Variants in KCNA6 observed in about 807,000 individuals in gnomAD.
KCNA6 encodes potassium voltage-gated channel subfamily A member 6, also known as human brain potassium channel-2.
KCNA6 carries 17 observed loss-of-function variants against 29.5 expected under a neutral mutation model. The observed-to-expected ratio is 0.58, with a 90% CI of 0.39 to 0.86. The LOEUF is 0.86. Among genes scored for constraint, KCNA6 ranks in the 40% least tolerant of loss-of-function variants. The probability of loss-of-function intolerance (pLI) is 0.00; values close to 1 mark genes in which losing one functional copy is unlikely to be tolerated. For missense variants in KCNA6, 450 were observed against 703.4 expected (o/e 0.64, Z 4.07); for synonymous variants, 296 against 304.7 (o/e 0.97, Z 0.30).
chr12:4,819,420 G>A, the KCNA6 span, among the ~76,000 whole-genome samples: 726 of 152,350 alleles, frequency 4.8e-3, 6 homozygotes, highest in Non-Finnish European at 8.3e-3. Flanking sequence ...CCGTCAGCAT[G>A]CATTCTTTTC....
At chr12:4,850,841 G>A in the KCNA6 span, 8 of 453,502 alleles carry the variant, frequency 1.8e-5, no homozygotes, top group East Asian at 2.1e-4. This position sits in a 1 kb window ranked among gnomAD's most constrained non-coding sequence, Gnocchi z 5.4. Context: ...GCCTGGCACC[G>A]CTGGCAGGCA....
downstream of KCNA6, chr12:4,814,770 T>C (rs1053156012): frequency 6.0e-6 from 1 of 167,086 alleles, no homozygotes; most frequent in African/African-American, 2.4e-5. The surrounding 1 kb of genome is among the most constrained non-coding windows in gnomAD (Gnocchi z 4.6). Context: ...CAGCTCGCCT[T>C]CTTTGCAGGT....
chr12:4,839,695 A>C, the KCNA6 span, among the ~76,000 whole-genome samples: 1 of 152,254 alleles, frequency 6.6e-6, no homozygotes, highest in Non-Finnish European at 1.5e-5. Context: ...AAAAGTGCCC[A>C]TTGACATGTA....
At chr12:4,827,460 G>T in the KCNA6 span, among the ~76,000 whole-genome samples, 28 of 152,236 alleles carry the variant, frequency 1.8e-4, no homozygotes, top group Non-Finnish European at 2.9e-4. Context: ...TTAAGGAGAA[G>T]CAGGGGAGTG....
chr12:4,820,771 G>C, the KCNA6 span, among the ~76,000 whole-genome samples: 1 of 152,142 alleles, frequency 6.6e-6, no homozygotes, highest in Non-Finnish European at 1.5e-5. Context: ...GATTTTTAAG[G>C]GAGGACTAAT....
the KCNA6 span, among the ~76,000 whole-genome samples, chr12:4,821,606 G>A: frequency 6.6e-6 from 1 of 152,102 alleles, no homozygotes; most frequent in African/African-American, 2.4e-5. Context: ...CTTGTGGCTT[G>A]TGAGCCACAT....
the KCNA6 span, chr12:4,850,634 G>A: frequency 3.0e-6 from 1 of 329,358 alleles, no homozygotes; most frequent in African/African-American, 2.2e-5. This position sits in a 1 kb window ranked among gnomAD's most constrained non-coding sequence, Gnocchi z 5.4. Context: ...CCAGCGGGGT[G>A]AGGAAGGACA....
chr12:4,850,818 A>G, the KCNA6 span: 1 of 454,828 alleles, frequency 2.2e-6, no homozygotes, highest in South Asian at 1.6e-5. The surrounding 1 kb of genome is among the most constrained non-coding windows in gnomAD (Gnocchi z 5.4). Context: ...CTTCTTCAGA[A>G]GACGAGAACC....
At chr12:4,838,167 C>A in the KCNA6 span, among the ~76,000 whole-genome samples, 27 of 152,190 alleles carry the variant, frequency 1.8e-4, no homozygotes, top group Non-Finnish European at 2.8e-4. Context: ...AGCTTAAGAA[C>A]CCCTTCCTCA....
the KCNA6 span, among the ~76,000 whole-genome samples, chr12:4,827,206 C>CCTTCT: frequency 8.8e-6 from 1 of 113,826 alleles, no homozygotes; most frequent in African/African-American, 3.5e-5. Context: ...CCTTCCTTCC[C>CCTTCT]TCCTTCCTTC....
chr12:4,822,310 G>A, the KCNA6 span, among the ~76,000 whole-genome samples: 2 of 152,156 alleles, frequency 1.3e-5, no homozygotes, highest in African/African-American at 4.8e-5. Context: ...TGGTGCTTGC[G>A]GCCATACTCA....
downstream of KCNA6, chr12:4,814,913 C>T (rs1946667573): frequency 6.1e-6 from 1 of 163,100 alleles, no homozygotes; most frequent in African/African-American, 2.4e-5. This position sits in a 1 kb window ranked among gnomAD's most constrained non-coding sequence, Gnocchi z 4.6. Flanking sequence ...TTCCCCTTCC[C>T]TCAGGGGCTA....
the KCNA6 span, among the ~76,000 whole-genome samples, chr12:4,848,306 G>A: frequency 0.017 from 2,619 of 152,206 alleles, 28 homozygotes; most frequent in Admixed American, 0.031. Flanking sequence ...AAATCAGGTT[G>A]TATCTCACTG....
downstream of KCNA6, among the ~76,000 whole-genome samples, chr12:4,815,377 C>T (rs1946672479): frequency 6.6e-6 from 1 of 152,204 alleles, no homozygotes. Context: ...CAAGATGAGA[C>T]TGCCATGGGC....
the KCNA6 span, among the ~76,000 whole-genome samples, chr12:4,850,202 CA>C: frequency 6.6e-6 from 1 of 152,106 alleles, no homozygotes; most frequent in South Asian, 2.1e-4. This position sits in a 1 kb window ranked among gnomAD's most constrained non-coding sequence, Gnocchi z 5.4. Flanking sequence ...AACATTCCGG[CA>C]TGGTAGGGGC....
the KCNA6 span, among the ~76,000 whole-genome samples, chr12:4,826,846 C>G: frequency 1.3e-5 from 2 of 152,172 alleles, no homozygotes; most frequent in South Asian, 2.1e-4. Flanking sequence ...AATTTCAGAG[C>G]TCATATACTC....
the KCNA6 span, among the ~76,000 whole-genome samples, chr12:4,843,184 A>C: frequency 1.1e-5 from 1 of 95,078 alleles, no homozygotes; most frequent in Non-Finnish European, 2.2e-5. Flanking sequence ...AAAATTCTTT[A>C]CTTTTTTTTT....
the KCNA6 span, among the ~76,000 whole-genome samples, chr12:4,836,518 CA>C: frequency 2.6e-5 from 4 of 152,062 alleles, no homozygotes; most frequent in Non-Finnish European, 5.9e-5. Context: ...ATGGCTTGAA[CA>C]AAGGTATGGG....
chr12:4,815,075 G>T (rs1946669086), downstream of KCNA6, among the ~76,000 whole-genome samples: 1 of 151,648 alleles, frequency 6.6e-6, no homozygotes, highest in Non-Finnish European at 1.5e-5. Context: ...TACTGTCTCT[G>T]CCTTTTTTCC....
Sources: allele counts gnomAD v4.1 joint callset (sites outside exome capture counted in the v4.1 genomes callset), GRCh38; gene constraint gnomAD v4.1.1; non-coding constraint Gnocchi (gnomAD v3.1); transcripts MANE v1.5; gene names NCBI Gene and HGNC (gene_info 2026-07-23, HGNC 2026-07-21).